RAP1GAP: variants seen among roughly 807,000 people sequenced by gnomAD.
RAP1GAP encodes the protein RAP1 GTPase activating protein.
A neutral mutation model predicts 87.2 loss-of-function variants in RAP1GAP; 35 were observed. That is an observed-to-expected ratio of 0.40 (90% CI 0.31 to 0.53). RAP1GAP has a LOEUF of 0.53. Among genes scored for constraint, RAP1GAP ranks in the 20% least tolerant of loss-of-function variants. The pLI, the probability that RAP1GAP is intolerant of heterozygous loss-of-function variation, is 0.48. For missense variants in RAP1GAP, 734 were observed against 898.9 expected, an observed-to-expected ratio of 0.82 and a Z score of 2.35; for synonymous variants, 375 against 363.9, an observed-to-expected ratio of 1.03 and a Z score of -0.35.
At chr1:21,666,234 G>C (rs1461184404) in intron 1 of RAP1GAP, among the ~76,000 whole-genome samples, 1 of 152,234 alleles carries the variant, frequency 6.6e-6, no homozygotes, top group East Asian at 1.9e-4. Flanking sequence ...GCCTGGCAGA[G>C]GTCCTGGCAT....
intron 2 of RAP1GAP, among the ~76,000 whole-genome samples, chr1:21,647,048 G>T (rs1306694476): frequency 6.6e-6 from 1 of 152,170 alleles, no homozygotes; most frequent in Non-Finnish European, 1.5e-5. Flanking sequence ...CTACTGACAA[G>T]GTTTTACTTA....
At chr1:21,599,802 C>A (rs868461462) in intron 20 of RAP1GAP, among the ~76,000 whole-genome samples, 185 bp from the exon 21 acceptor site, 1 of 152,172 alleles carries the variant, frequency 6.6e-6, no homozygotes, top group East Asian at 1.9e-4. Flanking sequence ...CTCCTACCCG[C>A]ATTGTCCTTC....
At chr1:21,614,410 T>A (rs1013147143) in intron 7 of RAP1GAP, among the ~76,000 whole-genome samples, 1 of 152,318 alleles carries the variant, frequency 6.6e-6, no homozygotes, top group South Asian at 2.1e-4. Flanking sequence ...AGGTGGGTAG[T>A]AACGCTGGAT....
In RAP1GAP at chr1:21,601,677, C is replaced by T; in HGVS notation, c.1652+7G>A. The T allele has an allele frequency of 6.3e-7, 1 of 1,595,182 alleles. No homozygotes were observed. The highest frequency in any genetic ancestry group is 8.6e-7 in the Non-Finnish European group (1 of 1,168,028). ...GCCCCCAAGCCCCACGTGCCCTGAG[C>T]CCCAACCTGTTCTTGGTCGTGGGCA... On this transcript the variant is annotated splice_region_variant and intron_variant, in intron 20 of 24. Coordinates refer to ENST00000374765, the MANE Select transcript of RAP1GAP (RefSeq NM_002885.4).
chr1:21,599,550 T>C lies in RAP1GAP; in HGVS notation c.1720A>G (p.Ser574Gly). 6.2e-7 allele frequency: 1 copy of C among 1,609,880 alleles called. No homozygotes were observed. The change falls in exon 21 of 25, where the codon AGC (serine) becomes GGC (glycine). Residue 574 changes from serine to glycine, a missense_variant. Transcript: ENST00000374765. ...DFSRSSSSAS[S>G]FASVVEETEG... ...GTCTCCTCCACCACGCTGGCGAAGC[T>C]GCTGGCACTGGACGAGGAGCGGGAG...
Position 21,611,501 on chromosome 1 carries a change from A to G in RAP1GAP, c.794T>C (p.Met265Thr). ...TGGCAGCTTGGTGGACACGTGAAAC[A>G]TGATCTCCTTGTTGCGGAAGTTGCA... ...VYCNFRNKEIMFHVSTKLPYT... is the reference protein window; with the variant it reads ...VYCNFRNKEITFHVSTKLPYT... Residue 265 changes from methionine to threonine, a missense_variant, in exon 13 of 25, where the codon ATG becomes ACG. By Grantham distance (81) the Met-to-Thr change is moderately conservative. Transcript: ENST00000374765. 1 of 1,614,168 alleles carries G rather than the reference A, an allele frequency of 6.2e-7. No individual in the cohort carries two copies.
chr1:21,618,388 C>T (rs2149718247), intron 5 of RAP1GAP, among the ~76,000 whole-genome samples: 1 of 152,338 alleles, frequency 6.6e-6, no homozygotes, highest in Admixed American at 6.5e-5. Context: ...AACCCTCACC[C>T]TGTAGCCCTG....
At chr1:21,661,249 C>T (rs1394232225) in intron 1 of RAP1GAP, among the ~76,000 whole-genome samples, 1 of 132,714 alleles carries the variant, frequency 7.5e-6, no homozygotes, top group African/African-American at 3.2e-5. Context: ...AAGACTCTGT[C>T]TCCAAAAAAA....
intron 2 of RAP1GAP, among the ~76,000 whole-genome samples, chr1:21,648,421 TG>T (rs1187830938): frequency 6.6e-6 from 1 of 152,222 alleles, no homozygotes; most frequent in Non-Finnish European, 1.5e-5. Context: ...GCACAGAGTC[TG>T]GAAGATCAAG....
chr1:21,618,026 C>T, intron 5 of RAP1GAP, 54 bp from the exon 6 acceptor site: 1 of 1,609,292 alleles, frequency 6.2e-7, no homozygotes, highest in Non-Finnish European at 8.5e-7. Flanking sequence ...CTCCAGTGCC[C>T]CCAGAGCTGG....
chr1:21,617,537 G>A (rs1339052500), intron 6 of RAP1GAP, 46 bp from the exon 7 acceptor site: 36 of 1,546,642 alleles, frequency 2.3e-5, no homozygotes, highest in Non-Finnish European at 3.1e-5. Flanking sequence ...GTACCCCACT[G>A]GGCGCCCCAG....
rs777405710 is a variant in RAP1GAP, at chr1:21,649,797, C to G, written c.-148-1G>C. 30 of 1,552,148 alleles carry G rather than the reference C, an allele frequency of 1.9e-5. No homozygotes were observed. The highest frequency in any genetic ancestry group is 2.6e-5 in the Non-Finnish European group (30 of 1,147,242). On this transcript the variant is annotated splice_acceptor_variant, in intron 1 of 24. Coordinates refer to ENST00000374765, the MANE Select transcript of RAP1GAP (RefSeq NM_002885.4). LOFTEE classifies it low-confidence loss of function (5UTR_SPLICE). Reference sequence around the variant, plus strand: ...GCGAGAAGTGAAGGACTTGTCCACCCTGAAACACAACAAGAGGGGCCATAG... The same window carrying G: ...GCGAGAAGTGAAGGACTTGTCCACCGTGAAACACAACAAGAGGGGCCATAG...
intron 18 of RAP1GAP, among the ~76,000 whole-genome samples, chr1:21,605,119 G>A (rs576748969): frequency 5.3e-5 from 8 of 152,218 alleles, no homozygotes; most frequent in Admixed American, 3.9e-4. Flanking sequence ...GTGTCCTGGG[G>A]TGGCCACTAG....
intron 1 of RAP1GAP, among the ~76,000 whole-genome samples, chr1:21,658,018 C>T (rs1224649714): frequency 6.6e-6 from 1 of 152,170 alleles, no homozygotes; most frequent in Non-Finnish European, 1.5e-5. Context: ...GGGGTCGCCA[C>T]TGTCATTCAG....
chr1:21,661,335 G>A (rs935745128), intron 1 of RAP1GAP, among the ~76,000 whole-genome samples: 1 of 151,718 alleles, frequency 6.6e-6, no homozygotes. Flanking sequence ...CCTGCCTCAT[G>A]ACCTAATCTC....
Position 21,609,584 on chromosome 1 carries a change from C to A in RAP1GAP, c.1062G>T (p.Val354=), listed in dbSNP as rs1287014805. The change falls in exon 15 of 25, where the codon GTG becomes GTT. Residue 354 remains valine (V), a synonymous_variant. Coordinates refer to ENST00000374765, the MANE Select transcript of RAP1GAP (RefSeq NM_002885.4). The surrounding 1 kb of genome is among the most constrained non-coding windows in gnomAD (Gnocchi z 4.4). Reference sequence around the variant, plus strand: ...GGGGGGTGCCCCTCACCTTCCTGAACACAGCGGGGTCCGGGAGGGGGGGTC... The same window carrying A: ...GGGGGGTGCCCCTCACCTTCCTGAAAACAGCGGGGTCCGGGAGGGGGGGTC... ...FFGPPLPDPA[V]FRKGPEFQEF... 1.9e-6 allele frequency: 3 copies of A among 1,564,794 alleles called. No individual in the cohort carries two copies. The highest frequency in any genetic ancestry group is 1.8e-5 in the Admixed American group (1 of 55,270).
intron 4 of RAP1GAP, among the ~76,000 whole-genome samples, chr1:21,619,375 G>A (rs928892947): frequency 1.3e-5 from 2 of 151,790 alleles, no homozygotes; most frequent in African/African-American, 4.8e-5. Flanking sequence ...CGGGTGGGGG[G>A]ACTGTTATCT....
At chr1:21,630,102 G>C (rs1390533341) in intron 2 of RAP1GAP, among the ~76,000 whole-genome samples, 1 of 152,060 alleles carries the variant, frequency 6.6e-6, no homozygotes, top group East Asian at 1.9e-4. Flanking sequence ...TTCAAAGGAG[G>C]GAACTAAGAC....
Position 21,598,034 on chromosome 1 carries a change from C to T in RAP1GAP, c.1910G>A (p.Gly637Asp), listed in dbSNP as rs868807986. 1 of 1,583,410 alleles carries T rather than the reference C, an allele frequency of 6.3e-7. No individual in the cohort carries two copies. The highest frequency in any genetic ancestry group is 8.6e-7 in the Non-Finnish European group (1 of 1,165,276). The stretch of plus-strand genomic sequence containing the variant: ...GGGACACGCAGGGTCCCCCAACTTG[C>T]CGGCGTCTGGGTGGGGTGATCGAGA... ...GPSRSPHPDA[G>D]KLGDPACPEI... The change falls in exon 23 of 25, where the codon GGC (glycine) becomes GAC (aspartate). Residue 637 changes from glycine to aspartate, a missense_variant. Gly to Asp is a moderately conservative substitution (Grantham distance 94, BLOSUM62 -1). Coordinates refer to ENST00000374765, the MANE Select transcript of RAP1GAP (RefSeq NM_002885.4).
Sources: allele counts gnomAD v4.1 joint callset (sites outside exome capture counted in the v4.1 genomes callset), GRCh38; gene constraint gnomAD v4.1.1; non-coding constraint Gnocchi (gnomAD v3.1); transcripts MANE v1.5; gene names NCBI Gene and HGNC (gene_info 2026-07-23, HGNC 2026-07-21).